Variants in NIF3L1 observed in about 807,000 individuals in gnomAD.
The protein encoded by NIF3L1 is NIF3-like protein 1.
NIF3L1 carries 26 observed loss-of-function variants against 35.0 expected under a neutral mutation model. The observed-to-expected ratio is 0.74, with a 90% CI of 0.54 to 1.03. The LOEUF (loss-of-function observed/expected upper bound fraction) is 1.03. NIF3L1 is among the 50% of genes least tolerant of loss of function. The pLI, the probability that NIF3L1 is intolerant of heterozygous loss-of-function variation, is 0.00. For synonymous variants in NIF3L1, 157 were observed against 178.9 expected (o/e 0.88, Z 0.98); for missense variants, 449 against 466.3 (o/e 0.96, Z 0.34).
intron 4 of NIF3L1, among the ~76,000 whole-genome samples, chr2:200,896,097 C>T (rs189136414): frequency 1.4e-4 from 22 of 151,778 alleles, no homozygotes; most frequent in Admixed American, 1.3e-3. Flanking sequence ...TACAGTGTTT[C>T]TCCTCTGTAT....
intron 6 of NIF3L1, among the ~76,000 whole-genome samples, chr2:200,902,888 C>T (rs1217487951): frequency 2.0e-5 from 3 of 152,048 alleles, no homozygotes; most frequent in Non-Finnish European, 4.4e-5. Context: ...TTCATTTTAC[C>T]GTGGAAACAC....
intron 1 of NIF3L1, among the ~76,000 whole-genome samples, chr2:200,889,915 C>T (rs2040133106): frequency 6.6e-6 from 1 of 151,918 alleles, no homozygotes; most frequent in South Asian, 2.1e-4. Context: ...CTTCTGTTGT[C>T]GTTGTTGACT....
In NIF3L1 at chr2:200,903,591, C is replaced by T. The variant is rs1254139024; in HGVS notation, c.1047C>T (p.Asp349=). Residue 349 remains aspartate (D), a synonymous_variant, in exon 7 of 7, where the codon GAC becomes GAT. Transcript: ENST00000409020. The part of the protein sequence containing the change: ...HSNTERGFLS[D]LRDMLDSHLE... ...ACACTGAACGAGGCTTTCTTTCTGA[C>T]CTTCGAGATATGCTGGATTCTCACT... 3.7e-6 allele frequency: 6 copies of T among 1,613,808 alleles called. No individual in the cohort carries two copies. Among genetic ancestry groups the T allele is most frequent in the Non-Finnish European group, 5.1e-6 (6 of 1,179,712 alleles).
At chr2:200,892,867 T>C (rs996495500) in intron 2 of NIF3L1, among the ~76,000 whole-genome samples, 6 of 152,240 alleles carry the variant, frequency 3.9e-5, no homozygotes, top group Admixed American at 6.5e-5. Flanking sequence ...TATGATGATA[T>C]CTGGATTAAT....
intron 1 of NIF3L1, among the ~76,000 whole-genome samples, chr2:200,890,897 C>T (rs2040171646): frequency 6.6e-6 from 1 of 152,008 alleles, no homozygotes; most frequent in African/African-American, 2.4e-5. Flanking sequence ...ATAGAGTGAC[C>T]TGCCTATGTA....
At chr2:200,894,423 CAG>C (rs2040261756) in intron 3 of NIF3L1, among the ~76,000 whole-genome samples, 1 of 151,994 alleles carries the variant, frequency 6.6e-6, no homozygotes, top group South Asian at 2.1e-4. Flanking sequence ...TTTTTTGAGA[CAG>C]AGTCTCACTC....
At chr2:200,903,400 A>G (rs2040440860) in intron 6 of NIF3L1, 94 bp from the exon 7 acceptor site, 4 of 964,476 alleles carry the variant, frequency 4.1e-6, no homozygotes, top group South Asian at 1.4e-5. Flanking sequence ...TTCACTTCAT[A>G]TAGACTACAA....
In NIF3L1 at chr2:200,895,253, T is replaced by C. The variant is rs13399698; in HGVS notation, c.600-11T>C. 3,618 of 1,612,256 alleles carry C rather than the reference T, an allele frequency of 2.2e-3. 64 individuals are homozygous for C. The African/African-American group carries it at 0.039, about 17-fold the overall frequency. ...ATATTTGTCCTAAATGGAGTGATTT[T>C]TCCCCCCTAGGACTGGTAATGAGGA... On this transcript the variant is annotated splice_polypyrimidine_tract_variant and intron_variant, in intron 3 of 6. Coordinates refer to ENST00000409020, the MANE Select transcript of NIF3L1 (RefSeq NM_001369441.2).
chr2:200,893,458 T>C, intron 3 of NIF3L1, 50 bp downstream of exon 3: 1 of 1,569,598 alleles, frequency 6.4e-7, no homozygotes, highest in East Asian at 2.2e-5. Context: ...GGTAAGCATC[T>C]TCCTTACAAA....
At chr2:200,903,300 G>C (rs1163868804) in intron 6 of NIF3L1, among the ~76,000 whole-genome samples, 194 bp from the exon 7 acceptor site, 1 of 152,216 alleles carries the variant, frequency 6.6e-6, no homozygotes, top group Non-Finnish European at 1.5e-5. Flanking sequence ...ACCGCGCCCA[G>C]ACTTTTCTCT....
At chr2:200,902,608 A>T (rs1270531751) in intron 6 of NIF3L1, among the ~76,000 whole-genome samples, 1 of 152,162 alleles carries the variant, frequency 6.6e-6, no homozygotes. Flanking sequence ...CAGAATATGA[A>T]TTTTCCCCAA....
In NIF3L1 at chr2:200,892,123, A is replaced by G. The variant is rs747889507; in HGVS notation, c.180A>G (p.Pro60=). ...DNVGLLVEPS[P]PHTVNTLFLT... Reference sequence around the variant, plus strand: ...TTGGATTACTGGTGGAACCAAGCCCACCACATACTGTAAATACACTCTTCC... The same window carrying G: ...TTGGATTACTGGTGGAACCAAGCCCGCCACATACTGTAAATACACTCTTCC... The change falls in exon 2 of 7, where the codon CCA becomes CCG. Residue 60 remains proline, a synonymous_variant. Transcript: ENST00000409020. The G allele has an allele frequency of 3.7e-6, 6 of 1,614,212 alleles. No homozygotes were observed. Among genetic ancestry groups the G allele is most frequent in the Middle Eastern group, 1.6e-4 (1 of 6,062 alleles).
intron 4 of NIF3L1, 95 bp from the exon 5 acceptor site, chr2:200,896,981 C>A: frequency 8.3e-7 from 1 of 1,206,384 alleles, no homozygotes; most frequent in Non-Finnish European, 1.2e-6. Context: ...CTGGAGCTTG[C>A]TATAGTAATC....
chr2:200,893,697 T>C (rs1033853660), intron 3 of NIF3L1, among the ~76,000 whole-genome samples: 2 of 152,220 alleles, frequency 1.3e-5, no homozygotes, highest in Non-Finnish European at 2.9e-5. Context: ...GTTTTTACTT[T>C]AGAGAATACA....
At chr2:200,901,344 G>A (rs1400071338) in intron 6 of NIF3L1, among the ~76,000 whole-genome samples, 2 of 152,060 alleles carry the variant, frequency 1.3e-5, no homozygotes, top group Non-Finnish European at 2.9e-5. Context: ...TTTGTTTTGT[G>A]CTTCTCTCTC....
chr2:200,902,403 A>G (rs1415820728), intron 6 of NIF3L1, among the ~76,000 whole-genome samples: 1 of 152,106 alleles, frequency 6.6e-6, no homozygotes, highest in African/African-American at 2.4e-5. Context: ...CCCCATCTCT[A>G]CTAAAAATAC....
Position 200,899,437 on chromosome 2 carries a change from G to A in NIF3L1, c.918G>A (p.Leu306=). ...ALCAGSGSSV[L]QGVEADLYLT... ...GTGCTGGTTCTGGGAGCAGCGTTCT[G>A]CAGGGTGTTGAGGCTGACCTTTACC... The change falls in exon 6 of 7, where the codon CTG becomes CTA. Residue 306 remains leucine, a synonymous_variant. Coordinates refer to ENST00000409020, the MANE Select transcript of NIF3L1 (RefSeq NM_001369441.2). The A allele has an allele frequency of 1.9e-6, 3 of 1,614,090 alleles. No homozygotes were observed. Among genetic ancestry groups the A allele is most frequent in the Non-Finnish European group, 2.5e-6 (3 of 1,179,974 alleles).
chr2:200,897,576 A>G (rs747223179), intron 5 of NIF3L1, among the ~76,000 whole-genome samples: 1 of 152,166 alleles, frequency 6.6e-6, no homozygotes, highest in Admixed American at 6.5e-5. Context: ...AGAATTAGTC[A>G]TGTTGCCCAA....
At position 200,889,474 on chromosome 2, in the gene NIF3L1, A is replaced by G. The variant is rs1272532614; in HGVS notation, c.-205A>G. 2 of 207,340 alleles carry G rather than the reference A, an allele frequency of 9.6e-6. No homozygotes were observed. The highest frequency in any genetic ancestry group is 4.6e-5 in the African/African-American group (2 of 43,050). The allele number at this position is 207,340 out of a possible 1,614,324, so 12.8% of individuals were successfully genotyped here. On this transcript the variant is annotated 5_prime_UTR_variant, in exon 1 of 7. Coordinates refer to ENST00000409020, the MANE Select transcript of NIF3L1 (RefSeq NM_001369441.2). The stretch of plus-strand genomic sequence containing the variant: ...CCGGTTGGGGCCGGCTGTGATTGTT[A>G]TCTTGGTGCTGCAGAGGACAGCAGA...
Sources: gnomAD v4.1 joint callset for allele counts (sites outside exome capture counted in the v4.1 genomes callset) on GRCh38, gnomAD v4.1.1 for gene constraint, MANE v1.5 for transcripts, NCBI Gene and HGNC (gene_info 2026-07-23, HGNC 2026-07-21) for gene names.